Variants in ZDHHC2 observed in about 807,000 individuals in gnomAD.
ZDHHC2 encodes the protein zDHHC palmitoyltransferase 2.
ZDHHC2 carries 51 observed loss-of-function variants against 55.6 expected under a neutral mutation model. That is an observed-to-expected ratio of 0.92 (90% CI 0.73 to 1.16). ZDHHC2 has a LOEUF of 1.16. Ranked by LOEUF, ZDHHC2 falls within the 50% of genes most tolerant of loss-of-function variation. The pLI, the probability that ZDHHC2 is intolerant of heterozygous loss-of-function variation, is 0.00. For synonymous variants in ZDHHC2, 199 were observed against 152.9 expected (o/e 1.30, Z -2.22); for missense variants, 491 against 442.4 (o/e 1.11, Z -0.99).
At chr8:17,199,685 T>TTCTCC (rs1232745010) in intron 6 of ZDHHC2, among the ~76,000 whole-genome samples, 3 of 147,150 alleles carry the variant, frequency 2.0e-5, no homozygotes, top group African/African-American at 5.0e-5. Context: ...TTCTTCTTCT[T>TTCTCC]TTCTTCTTTC....
At chr8:17,171,312 T>A (rs1804842727) in intron 1 of ZDHHC2, among the ~76,000 whole-genome samples, 2 of 152,176 alleles carry the variant, frequency 1.3e-5, no homozygotes, top group African/African-American at 2.4e-5. Flanking sequence ...CTATTTTAAT[T>A]TGAGACAGGG....
intron 1 of ZDHHC2, among the ~76,000 whole-genome samples, chr8:17,170,802 AT>A (rs1240567122): frequency 6.6e-6 from 1 of 152,214 alleles, no homozygotes; most frequent in Non-Finnish European, 1.5e-5. Context: ...GATTGTATAT[AT>A]TTTTTAAATG....
chr8:17,218,032 A>C (rs769542607), intron 12 of ZDHHC2, among the ~76,000 whole-genome samples: 2 of 152,212 alleles, frequency 1.3e-5, no homozygotes, highest in Non-Finnish European at 2.9e-5. Context: ...ATTTGCATCA[A>C]AGTTCATGGA....
In ZDHHC2 at chr8:17,205,690, T is replaced by A. The variant is rs1289080381; in HGVS notation, c.512T>A (p.Phe171Tyr). ...NNCVGFSNYK[F>Y]FLLFLAYSLL... ...TGTGTTGGATTTTCAAATTATAAGT[T>A]CTTTCTCCTTTTCTTGGCTTATTCT... The change falls in exon 7 of 13, where the codon TTC becomes TAC. Residue 171 changes from phenylalanine to tyrosine, a missense_variant. Phe to Tyr is a conservative substitution (Grantham distance 22). Transcript: ENST00000262096. The A allele has an allele frequency of 1.2e-6, 2 of 1,608,292 alleles. No homozygotes were observed. The highest frequency in any genetic ancestry group is 1.7e-6 in the Non-Finnish European group (2 of 1,178,396).
Position 17,205,731 on chromosome 8 carries a change from T to G in ZDHHC2, c.553T>G (p.Phe185Val). The G allele has an allele frequency of 6.2e-7, 1 of 1,610,288 alleles. No individual in the cohort carries two copies. Among genetic ancestry groups the G allele is most frequent in the Non-Finnish European group, 8.5e-7 (1 of 1,178,902 alleles). ...GGCTTATTCTCTGCTCTACTGCCTT[T>G]TTATTGCGGCAACAGATTTACAGTA... ...FLAYSLLYCL[F>V]IAATDLQYFI... Residue 185 changes from phenylalanine (F) to valine (V), a missense_variant, in exon 7 of 13, where the codon TTT becomes GTT. By Grantham distance (50) the Phe-to-Val change is conservative. Coordinates refer to ENST00000262096, the MANE Select transcript of ZDHHC2 (RefSeq NM_016353.5).
chr8:17,220,358 T>C lies in ZDHHC2; in HGVS notation c.*137T>C, dbSNP rs901709682. On this transcript the variant is annotated 3_prime_UTR_variant, in exon 13 of 13. Transcript: ENST00000262096. ...CTGGAAATGCAGAATATGAATTGAT[T>C]AGTTCTCTCCAAGCCATTGCTTAAA... 6.6e-6 allele frequency: 1 copy of C among 152,182 alleles called. No individual in the cohort carries two copies. The highest frequency in any genetic ancestry group is 2.4e-5 in the African/African-American group (1 of 41,444). The allele number at this position is 152,182 out of a possible 1,614,324, so 9.4% of individuals were successfully genotyped here. A position where few individuals can be genotyped will look rare whatever the true frequency, so the allele number is the denominator to read the frequency against.
intron 8 of ZDHHC2, among the ~76,000 whole-genome samples, chr8:17,208,841 G>C (rs946376659): frequency 1.1e-4 from 16 of 151,976 alleles, no homozygotes; most frequent in African/African-American, 3.9e-4. Flanking sequence ...TTAACTTCTG[G>C]AAACCTCTAG....
At chr8:17,171,972 TGCAA>T (rs1654817314) in intron 1 of ZDHHC2, among the ~76,000 whole-genome samples, 1 of 151,948 alleles carries the variant, frequency 6.6e-6, no homozygotes, top group Non-Finnish European at 1.5e-5. Flanking sequence ...ACTTAACTTG[TGCAA>T]GCTGACTCCC....
chr8:17,172,628 A>C (rs1456185542), intron 1 of ZDHHC2, among the ~76,000 whole-genome samples: 1 of 152,228 alleles, frequency 6.6e-6, no homozygotes, highest in Non-Finnish European at 1.5e-5. Flanking sequence ...GCTGAGTAAC[A>C]CTTATAACCT....
intron 1 of ZDHHC2, 91 bp downstream of exon 1, chr8:17,156,944 C>T (rs999806594): frequency 1.6e-6 from 2 of 1,239,774 alleles, no homozygotes; most frequent in Non-Finnish European, 2.1e-6. Context: ...CTCTCGCCCC[C>T]CGGATGCGCC....
chr8:17,185,699 A>G (rs1163688603), intron 2 of ZDHHC2, among the ~76,000 whole-genome samples: 1 of 152,128 alleles, frequency 6.6e-6, no homozygotes, highest in Non-Finnish European at 1.5e-5. Flanking sequence ...TTTGGATAGT[A>G]TTTCAAGACT....
intron 1 of ZDHHC2, among the ~76,000 whole-genome samples, chr8:17,180,354 G>A (rs71526107): frequency 3.5e-4 from 53 of 152,186 alleles, no homozygotes; most frequent in Middle Eastern, 3.4e-3. Context: ...TGACACATCC[G>A]TTTAAAAAGG....
intron 1 of ZDHHC2, among the ~76,000 whole-genome samples, chr8:17,161,233 A>G (rs1430406244): frequency 6.6e-6 from 1 of 152,222 alleles, no homozygotes; most frequent in Non-Finnish European, 1.5e-5. Flanking sequence ...CCACCATGAA[A>G]TGAATTTGAG....
chr8:17,195,693 G>C, intron 4 of ZDHHC2, 69 bp downstream of exon 4: 3 of 1,583,190 alleles, frequency 1.9e-6, no homozygotes, highest in Non-Finnish European at 2.6e-6. Flanking sequence ...GTAAGAAAGT[G>C]TGTTTATGTA....
At chr8:17,160,920 G>C (rs901625505) in intron 1 of ZDHHC2, among the ~76,000 whole-genome samples, 1 of 152,240 alleles carries the variant, frequency 6.6e-6, no homozygotes, top group Non-Finnish European at 1.5e-5. Context: ...GAGCTTTGGA[G>C]TATGTGGGAA....
intron 3 of ZDHHC2, among the ~76,000 whole-genome samples, chr8:17,189,189 C>T (rs1287124711): frequency 7.3e-6 from 1 of 136,708 alleles, no homozygotes; most frequent in Non-Finnish European, 1.5e-5. Context: ...CAAAGTGATC[C>T]TTTCAAAAGA....
Position 17,205,670 on chromosome 8 carries a change from T to C in ZDHHC2, c.492T>C (p.Val164=), listed in dbSNP as rs773450514. 6.2e-7 allele frequency: 1 copy of C among 1,604,350 alleles called. No homozygotes were observed. The highest frequency in any genetic ancestry group is 2.2e-5 in the East Asian group (1 of 44,550). The change falls in exon 7 of 13, where the codon GTT becomes GTC. Residue 164 remains valine (V), a synonymous_variant. Transcript: ENST00000262096. The part of the protein sequence containing the change: ...DHHCPWVNNC[V]GFSNYKFFLL... The stretch of plus-strand genomic sequence containing the variant: ...TTGTTAACAGGGTGAACAATTGTGT[T>C]GGATTTTCAAATTATAAGTTCTTTC...
chr8:17,224,581 G>A lies in ZDHHC2; in HGVS notation c.*4360G>A, dbSNP rs921223770. The stretch of plus-strand genomic sequence containing the variant: ...ATATTGCTTCTGTTTGATTGATAAA[G>A]GTGCTTAATCAATTGAAAAAAAAAC... On this transcript the variant is annotated 3_prime_UTR_variant, in exon 13 of 13. Transcript: ENST00000262096. 6.6e-6 allele frequency: 1 copy of A among 151,410 alleles called. No individual in the cohort carries two copies. The highest frequency in any genetic ancestry group is 2.4e-5 in the African/African-American group (1 of 41,248). 9.4% of individuals were successfully genotyped at this position (151,410 alleles called of 1,614,324 possible). A position where few individuals can be genotyped will look rare whatever the true frequency, so the allele number is the denominator to read the frequency against.
intron 6 of ZDHHC2, among the ~76,000 whole-genome samples, chr8:17,199,509 T>TGTCTTCGTCTTCG (rs1554466018): frequency 1.7e-5 from 2 of 121,116 alleles, no homozygotes; most frequent in African/African-American, 7.3e-5. Flanking sequence ...CTTCTTCTTC[T>TGTCTTCGTCTTCG]TCTTCGTCTT....
Sources: allele counts gnomAD v4.1 joint callset (sites outside exome capture counted in the v4.1 genomes callset), GRCh38; gene constraint gnomAD v4.1.1; transcripts MANE v1.5; gene names NCBI Gene and HGNC (gene_info 2026-07-23, HGNC 2026-07-21).